Variants in POLN observed in about 807,000 individuals in gnomAD.
POLN encodes the protein DNA polymerase N.
Under a neutral mutation model 113.5 loss-of-function variants are expected in POLN, and 108 were observed. The ratio of observed to expected loss-of-function variants is 0.95; its 90% CI spans 0.81 to 1.12. POLN has a LOEUF of 1.12. POLN is among the 50% of genes most tolerant of loss of function. The pLI is 0.00. For synonymous variants in POLN, 386 were observed against 391.5 expected (o/e 0.99, Z 0.17); for missense variants, 1,097 against 1,077.1 (o/e 1.02, Z -0.26).
At chr4:2,217,534 C>A (rs979368823) in intron 3 of POLN, among the ~76,000 whole-genome samples, 1 of 152,262 alleles carries the variant, frequency 6.6e-6, no homozygotes, top group African/African-American at 2.4e-5. Flanking sequence ...CTGACAGAAC[C>A]AGCTCATGCT....
intron 16 of POLN, among the ~76,000 whole-genome samples, chr4:2,154,198 C>CAAAAAAAA (rs58879582): frequency 4.7e-5 from 3 of 63,922 alleles, no homozygotes; most frequent in African/African-American, 7.7e-5. Flanking sequence ...TCCATCTCAA[C>CAAAAAAAA]AAAAAAAAAA....
At chr4:2,162,857 C>A (rs1732633130) in intron 13 of POLN, among the ~76,000 whole-genome samples, 1 of 151,836 alleles carries the variant, frequency 6.6e-6, no homozygotes, top group Non-Finnish European at 1.5e-5. Context: ...GAGTCAACAC[C>A]ACATGGTATT....
chr4:2,077,689 TCA>T (rs1392039277), intron 23 of POLN, among the ~76,000 whole-genome samples: 1 of 152,266 alleles, frequency 6.6e-6, no homozygotes, highest in Non-Finnish European at 1.5e-5. Flanking sequence ...GAAGCAGTTT[TCA>T]CACTTCTTGA....
At chr4:2,228,540 T>C (rs1049354272) in intron 3 of POLN, 4 of 186,120 alleles carry the variant, frequency 2.1e-5, no homozygotes, top group Non-Finnish European at 4.6e-5. Flanking sequence ...TGTTTTACCG[T>C]GTTAGCCAGG....
At chr4:2,081,890 A>T (rs1730430376) in intron 21 of POLN, 147 bp from the exon 22 acceptor site, 6 of 561,836 alleles carry the variant, frequency 1.1e-5, no homozygotes, top group Non-Finnish European at 1.9e-5. Context: ...CGGGTCTATC[A>T]TGGGGGCAAG....
At chr4:2,188,186 A>C (rs1733327908) in intron 7 of POLN, among the ~76,000 whole-genome samples, 1 of 152,190 alleles carries the variant, frequency 6.6e-6, no homozygotes, top group Non-Finnish European at 1.5e-5. Context: ...TTCTGTGCCC[A>C]GCAAAGCTAT....
chr4:2,171,314 A>T, intron 11 of POLN, 133 bp from the exon 12 acceptor site: 4 of 592,748 alleles, frequency 6.7e-6, no homozygotes, highest in East Asian at 4.1e-5. Flanking sequence ...GCCCTTTGGG[A>T]GGCTGAGGCA....
intron 19 of POLN, among the ~76,000 whole-genome samples, chr4:2,108,413 T>C (rs1560998073): frequency 6.6e-6 from 1 of 152,180 alleles, no homozygotes; most frequent in South Asian, 2.1e-4. Context: ...TAGACAAACC[T>C]AGACATATAG....
At chr4:2,222,248 T>C (rs776488921) in intron 3 of POLN, among the ~76,000 whole-genome samples, 11 of 152,110 alleles carry the variant, frequency 7.2e-5, no homozygotes, top group Non-Finnish European at 4.4e-5. Flanking sequence ...CTGGTCCCTC[T>C]TTCCTCAGAT....
intron 2 of POLN, among the ~76,000 whole-genome samples, chr4:2,237,038 A>G (rs796311203): frequency 2.6e-5 from 4 of 152,176 alleles, no homozygotes; most frequent in African/African-American, 9.6e-5. Flanking sequence ...TTTCCCCACC[A>G]TCCAAGTTTT....
At chr4:2,149,977 G>C (rs1732249828) in intron 16 of POLN, among the ~76,000 whole-genome samples, 1 of 151,890 alleles carries the variant, frequency 6.6e-6, no homozygotes, top group African/African-American at 2.4e-5. Context: ...CAGCTACTCG[G>C]GAAGCTGAGG....
At chr4:2,185,320 A>G in intron 7 of POLN, among the ~76,000 whole-genome samples, 1 of 152,264 alleles carries the variant, frequency 6.6e-6, no homozygotes. Flanking sequence ...GAAGAAAGAG[A>G]TGTGCTCAGT....
Position 2,075,533 on chromosome 4 carries a change from A to G in POLN, c.2388-14T>C. On this transcript the variant is annotated splice_polypyrimidine_tract_variant and intron_variant, in intron 23 of 25. Transcript: ENST00000511885. ...TGGGCCACCAGCCTGGCAGGGAGGG[A>G]AGGAGTCACCCTGGGAGGCCAGGAC... 4 of 1,612,734 alleles carry G rather than the reference A, an allele frequency of 2.5e-6. No homozygotes were observed. The highest frequency in any genetic ancestry group is 3.4e-6 in the Non-Finnish European group (4 of 1,179,722).
chr4:2,198,222 G>C (rs1164864512), intron 6 of POLN, among the ~76,000 whole-genome samples: 2 of 152,214 alleles, frequency 1.3e-5, no homozygotes, highest in African/African-American at 4.8e-5. Context: ...GACTCTGCCA[G>C]TGACAGGGGA....
intron 3 of POLN, chr4:2,228,641 G>A: frequency 5.9e-6 from 1 of 170,292 alleles, no homozygotes; most frequent in Non-Finnish European, 1.3e-5. Flanking sequence ...CGGCCCCACT[G>A]CTTTTACTAT....
intron 15 of POLN, among the ~76,000 whole-genome samples, chr4:2,157,073 A>G (rs923588424): frequency 6.6e-6 from 1 of 152,226 alleles, no homozygotes; most frequent in African/African-American, 2.4e-5. Context: ...TAACCCATGT[A>G]GGAACTGCCA....
chr4:2,119,053 G>A (rs976559357), intron 19 of POLN, among the ~76,000 whole-genome samples: 2 of 152,216 alleles, frequency 1.3e-5, no homozygotes, highest in Admixed American at 1.3e-4. Context: ...GGGAGCCACA[G>A]ACAGCAATAC....
intron 11 of POLN, among the ~76,000 whole-genome samples, chr4:2,173,142 T>C (rs527557070): frequency 1.3e-5 from 2 of 152,250 alleles, no homozygotes; most frequent in African/African-American, 4.8e-5. Context: ...AAAGTCAGGG[T>C]TGCAGTTACT....
chr4:2,163,204 T>G (rs1010541546), intron 13 of POLN, among the ~76,000 whole-genome samples: 2 of 152,150 alleles, frequency 1.3e-5, no homozygotes, highest in Non-Finnish European at 2.9e-5. Flanking sequence ...CATAAAACAT[T>G]AACAGTGGGC....
Sources: gnomAD v4.1 joint callset for allele counts (sites outside exome capture counted in the v4.1 genomes callset) on GRCh38, gnomAD v4.1.1 for gene constraint, MANE v1.5 for transcripts, NCBI Gene and HGNC (gene_info 2026-07-23, HGNC 2026-07-21) for gene names.